CFAP418: variants seen among roughly 807,000 people sequenced by gnomAD.
The protein encoded by CFAP418 is cilia- and flagella-associated protein 418.
In CFAP418, 27 loss-of-function variants were observed where a neutral mutation model predicts 24.7. That is an observed-to-expected ratio of 1.09 (90% confidence interval 0.81 to 1.51). The LOEUF (loss-of-function observed/expected upper bound fraction) is 1.51, where lower values mean the gene tolerates loss of function less well. Among genes scored for constraint, CFAP418 ranks in the 40% most tolerant of loss-of-function variants. CFAP418 has a pLI of 0.00. For synonymous variants in CFAP418, 74 were observed against 87.3 expected (o/e 0.85, Z 0.85); for missense variants, 257 against 255.2 (o/e 1.01, Z -0.05).
Position 95,247,568 on chromosome 8 carries a change from T to G in CFAP418, c.*49A>C, listed in dbSNP as rs778965204. 1.9e-6 allele frequency: 3 copies of G among 1,607,526 alleles called. No homozygotes were observed. The South Asian group carries it at 3.3e-5, about 18-fold the overall frequency. On this transcript the variant is annotated 3_prime_UTR_variant, in exon 6 of 6. Coordinates refer to ENST00000286688, the MANE Select transcript of CFAP418 (RefSeq NM_177965.4). ...ATTGTCTAAACATGATGATGATTCA[T>G]GGAGACCACTCTCATGGATGCATCT... is the stretch of plus-strand genomic sequence containing the variant.
At chr8:95,252,980 A>T (rs1007371781) in intron 4 of CFAP418, among the ~76,000 whole-genome samples, 1 of 152,182 alleles carries the variant, frequency 6.6e-6, no homozygotes, top group Non-Finnish European at 1.5e-5. Flanking sequence ...CCCCCACAAA[A>T]AATTCCTATA....
At chr8:95,249,590 T>G (rs1339934188) in intron 5 of CFAP418, among the ~76,000 whole-genome samples, 1 of 151,958 alleles carries the variant, frequency 6.6e-6, no homozygotes, top group African/African-American at 2.4e-5. Flanking sequence ...GAAGTGGAGG[T>G]TGCAGTGAGC....
In CFAP418 at chr8:95,258,108, C is replaced by T. The variant is rs567543668; in HGVS notation, c.374+1732G>A. Among the ~76,000 whole-genome samples the T allele has an allele frequency of 1.6e-3, 248 of 152,178 alleles. 1 individual carries two copies. The highest frequency in any genetic ancestry group is 5.6e-3 in the African/African-American group (233 of 41,514). ...TTAAAAAGTGAAAAACAGAGCTGGG[C>T]GCAGTGGCTCACGCCTGTAATCCCA... is the stretch of plus-strand genomic sequence containing the variant. On this transcript the variant is annotated intron_variant, in intron 4 of 5. Coordinates refer to ENST00000286688, the MANE Select transcript of CFAP418 (RefSeq NM_177965.4).
intron 2 of CFAP418, among the ~76,000 whole-genome samples, chr8:95,261,678 G>A (rs539236766): frequency 6.6e-6 from 1 of 152,140 alleles, no homozygotes; most frequent in African/African-American, 2.4e-5. Flanking sequence ...TGGAAAACTG[G>A]ACATAATACA....
At chr8:95,266,432 C>G (rs1439334953) in intron 1 of CFAP418, among the ~76,000 whole-genome samples, 1 of 151,976 alleles carries the variant, frequency 6.6e-6, no homozygotes, top group East Asian at 1.9e-4. Context: ...TCCTGGTATC[C>G]AGATGTAGCA....
intron 4 of CFAP418, among the ~76,000 whole-genome samples, chr8:95,253,182 C>T (rs1447577099): frequency 6.6e-6 from 1 of 151,988 alleles, no homozygotes; most frequent in East Asian, 1.9e-4. Flanking sequence ...TGGTGGCGGG[C>T]GCCTGTAGTC....
At chr8:95,257,676 A>T (rs1010391074) in intron 4 of CFAP418, among the ~76,000 whole-genome samples, 19 of 152,148 alleles carry the variant, frequency 1.2e-4, no homozygotes, top group Non-Finnish European at 2.9e-5. Flanking sequence ...ATGCTTACTC[A>T]TGTGTTTGTG....
chr8:95,256,113 T>C (rs777827103), intron 4 of CFAP418, among the ~76,000 whole-genome samples: 2 of 152,258 alleles, frequency 1.3e-5, no homozygotes, highest in Admixed American at 6.5e-5. Context: ...TGAAATTCCA[T>C]CTAACATAGA....
chr8:95,257,949 C>A (rs543391369), intron 4 of CFAP418, among the ~76,000 whole-genome samples: 1 of 152,212 alleles, frequency 6.6e-6, no homozygotes, highest in South Asian at 2.1e-4. Flanking sequence ...CAGCCCCATG[C>A]GTGTTGTACC....
intron 3 of CFAP418, 51 bp downstream of exon 3, chr8:95,260,417 A>T (rs1229383745): frequency 3.1e-6 from 4 of 1,280,054 alleles, no homozygotes. Context: ...GACTATGCTC[A>T]TAGTGTTTGC....
intron 4 of CFAP418, among the ~76,000 whole-genome samples, chr8:95,257,964 C>T (rs35234362): frequency 0.052 from 7,977 of 152,208 alleles, 284 homozygotes; most frequent in Non-Finnish European, 0.073. Flanking sequence ...TGTACCCCCG[C>T]AACAAAGACC....
At chr8:95,253,259 G>A (rs1811736497) in intron 4 of CFAP418, among the ~76,000 whole-genome samples, 2 of 151,784 alleles carry the variant, frequency 1.3e-5, no homozygotes, top group Non-Finnish European at 2.9e-5. Context: ...GCAGTGAGGG[G>A]AGATCGCGCC....
chr8:95,247,589 C>A lies in CFAP418; in HGVS notation c.*28G>T. The A allele has an allele frequency of 6.2e-7, 1 of 1,613,270 alleles. No individual in the cohort carries two copies. The highest frequency in any genetic ancestry group is 8.5e-7 in the Non-Finnish European group (1 of 1,179,534). On this transcript the variant is annotated 3_prime_UTR_variant, in exon 6 of 6. Transcript: ENST00000286688. ...TTCATGGAGACCACTCTCATGGATG[C>A]ATCTGTCCGAATGTGCAGTCTGCAT...
At position 95,260,524 on chromosome 8, in the gene CFAP418, T is replaced by C; in HGVS notation, c.252A>G (p.Lys84=). Residue 84 remains lysine, a synonymous_variant, in exon 3 of 6, where the codon AAA becomes AAG. Coordinates refer to ENST00000286688, the MANE Select transcript of CFAP418 (RefSeq NM_177965.4). The part of the protein sequence containing the change: ...PNLDKKPSKL[K]SKSSGNTSVR... ...CAGATGTGTTACCTGAAGATTTAGA[T>C]TTTAATTTCTGTTAAAAAAGCAAAA... is the stretch of plus-strand genomic sequence containing the variant. The C allele has an allele frequency of 1.9e-6, 3 of 1,580,506 alleles. No individual in the cohort carries two copies. The highest frequency in any genetic ancestry group is 2.6e-6 in the Non-Finnish European group (3 of 1,168,932).
chr8:95,261,947 T>C (rs1811900057), intron 2 of CFAP418, among the ~76,000 whole-genome samples: 1 of 152,244 alleles, frequency 6.6e-6, no homozygotes, highest in African/African-American at 2.4e-5. Context: ...GTACTACTAA[T>C]TGGCATTACT....
intron 4 of CFAP418, among the ~76,000 whole-genome samples, chr8:95,258,138 C>T (rs759694671): frequency 1.4e-4 from 22 of 151,984 alleles, no homozygotes; most frequent in Non-Finnish European, 2.2e-4. Context: ...ATCCCAGCAC[C>T]GTGGGAGGCC....
At chr8:95,268,881 G>T in intron 1 of CFAP418, 154 bp downstream of exon 1, 1 of 785,776 alleles carries the variant, frequency 1.3e-6, no homozygotes, top group Non-Finnish European at 2.0e-6. Context: ...CGAATGCGCT[G>T]CCGCGGAGGG....
At chr8:95,248,085 A>G (rs1453749662) in intron 5 of CFAP418, among the ~76,000 whole-genome samples, 2 of 152,062 alleles carry the variant, frequency 1.3e-5, no homozygotes, top group African/African-American at 4.8e-5. Flanking sequence ...CAAGTGATCC[A>G]TCCACCTCAG....
intron 4 of CFAP418, among the ~76,000 whole-genome samples, chr8:95,255,992 A>G (rs1437890624): frequency 6.6e-6 from 1 of 152,182 alleles, no homozygotes; most frequent in Non-Finnish European, 1.5e-5. Context: ...ATCTCTTCTT[A>G]CAGCTGTGCA....
Sources: gnomAD v4.1 joint callset for allele counts (sites outside exome capture counted in the v4.1 genomes callset) on GRCh38, gnomAD v4.1.1 for gene constraint, MANE v1.5 for transcripts, NCBI Gene and HGNC (gene_info 2026-07-23, HGNC 2026-07-21) for gene names.